TRAK1: variants seen among roughly 807,000 people sequenced by gnomAD.
TRAK1 encodes the protein trafficking kinesin protein 1.
Under a neutral mutation model 92.1 loss-of-function variants are expected in TRAK1, and 33 were observed. The observed-to-expected ratio is 0.36, with a 90% confidence interval of 0.27 to 0.48. TRAK1 has a LOEUF of 0.48. TRAK1 is among the 20% of genes least tolerant of loss of function. The probability of loss-of-function intolerance (pLI) is 0.99; values close to 1 mark genes in which losing one functional copy is unlikely to be tolerated. For synonymous variants in TRAK1, 521 were observed against 517.3 expected (o/e 1.01, Z -0.10); for missense variants, 1,123 against 1,257.9 (o/e 0.89, Z 1.62).
At chr3:42,036,835 G>A (rs925707574) in intron 1 of TRAK1, among the ~76,000 whole-genome samples, 2 of 152,250 alleles carry the variant, frequency 1.3e-5, no homozygotes, top group East Asian at 1.9e-4. Context: ...CTGTAGCCTC[G>A]AACTTTGGGG....
In TRAK1 at chr3:42,225,396, C is replaced by T. The variant is rs1404779364; in HGVS notation, c.*1659C>T. On this transcript the variant is annotated 3_prime_UTR_variant, in exon 16 of 16. Transcript: ENST00000327628. ...CAAGCCTCAGTCCCACGGTTTCAGA[C>T]TATTTATTCTCTGAACACAAGAGTA... The T allele has an allele frequency of 2.0e-5, 3 of 152,228 alleles. No individual in the cohort carries two copies. The highest frequency in any genetic ancestry group is 4.4e-5 in the Non-Finnish European group (3 of 68,048). The allele number at this position is 152,228 out of a possible 1,614,324, so 9.4% of individuals were successfully genotyped here.
chr3:42,039,275 A>C (rs762943361), intron 1 of TRAK1, among the ~76,000 whole-genome samples: 1 of 152,144 alleles, frequency 6.6e-6, no homozygotes, highest in South Asian at 2.1e-4. Flanking sequence ...ATTTCTGTTT[A>C]TTTCCAAATA....
chr3:42,113,337 A>ACT (rs1201646866), intron 1 of TRAK1, among the ~76,000 whole-genome samples: 3 of 150,856 alleles, frequency 2.0e-5, no homozygotes, highest in Non-Finnish European at 4.4e-5. Flanking sequence ...TCTACTCTCT[A>ACT]CTCTACTCCT....
chr3:42,132,049 A>G (rs1697271408), intron 2 of TRAK1, among the ~76,000 whole-genome samples: 1 of 152,110 alleles, frequency 6.6e-6, no homozygotes, highest in African/African-American at 2.4e-5. Flanking sequence ...AGCCTGGGCA[A>G]CAGAGCGAGA....
At chr3:42,016,415 G>A (rs1405837020) in intron 1 of TRAK1, among the ~76,000 whole-genome samples, 2 of 152,176 alleles carry the variant, frequency 1.3e-5, no homozygotes, top group African/African-American at 4.8e-5. Context: ...ACTTTGGCCA[G>A]GCTGGTCTCA....
In TRAK1 at chr3:42,079,573, G is replaced by A. The variant is rs563069876; in HGVS notation, c.-518-7531G>A. 4.8e-5 allele frequency among the ~76,000 whole-genome samples: 7 copies of A among 147,008 alleles called. No homozygotes were observed. The South Asian group carries it at 8.6e-4, about 18-fold the overall frequency. On this transcript the variant is annotated intron_variant, in intron 1 of 16. Transcript: ENST00000487159. ...TCGGCTTACTGCAACCTCTGCCTTC[G>A]GGTTCAAGCAATTCTCCTGCCTCAA... is the stretch of plus-strand genomic sequence containing the variant.
At position 42,209,918 on chromosome 3, in the gene TRAK1, C is replaced by A. The variant is rs753398201; in HGVS notation, c.1896C>A (p.Asp632Glu). The change falls in exon 14 of 16, where the codon GAC (aspartate) becomes GAA (glutamate). Residue 632 changes from aspartate to glutamate, a missense_variant. Asp to Glu is a conservative substitution (Grantham distance 45, BLOSUM62 2). Coordinates refer to ENST00000327628, the MANE Select transcript of TRAK1 (RefSeq NM_001042646.3). ...GCCTTAACGACTTTGAAGAAGATGA[C>A]ACAGGTGACCACATTTCTCTCCCAC... Reference protein sequence around the residue: ...VYCLNDFEEDDTGDHISLPRL... With the variant: ...VYCLNDFEEDETGDHISLPRL... 2 of 1,614,190 alleles carry A rather than the reference C, an allele frequency of 1.2e-6. No individual in the cohort carries two copies.
intron 2 of TRAK1, among the ~76,000 whole-genome samples, chr3:42,170,391 A>G (rs1702395081): frequency 6.6e-6 from 1 of 152,172 alleles, no homozygotes; most frequent in African/African-American, 2.4e-5. Context: ...TGAACAGTGC[A>G]GACAGTAAGT....
intron 1 of TRAK1, among the ~76,000 whole-genome samples, chr3:42,108,765 C>T (rs1707940057): frequency 6.6e-6 from 1 of 151,958 alleles, no homozygotes; most frequent in African/African-American, 2.4e-5. Flanking sequence ...GATGAAACCT[C>T]CAGAAGTTGA....
chr3:42,149,708 A>T, intron 2 of TRAK1: 2 of 1,405,512 alleles, frequency 1.4e-6, no homozygotes, highest in Non-Finnish European at 1.9e-6. Context: ...GGCGGGTGGG[A>T]GGTACCAGAA....
At chr3:42,174,636 A>T (rs1028827941) in intron 2 of TRAK1, among the ~76,000 whole-genome samples, 3 of 145,120 alleles carry the variant, frequency 2.1e-5, no homozygotes, top group Admixed American at 6.8e-5. Flanking sequence ...ACACCTGGCT[A>T]ATTTTTGTGT....
intron 1 of TRAK1, among the ~76,000 whole-genome samples, chr3:42,033,391 G>A (rs1702219605): frequency 6.6e-6 from 1 of 152,174 alleles, no homozygotes. Context: ...TGTGATCTTG[G>A]TAGCCTGGGT....
chr3:42,218,664 G>A (rs575986156), intron 14 of TRAK1: 5 of 985,310 alleles, frequency 5.1e-6, no homozygotes, highest in East Asian at 1.1e-4. Flanking sequence ...TTAATCTGCT[G>A]CAGACCATAG....
chr3:42,214,663 T>TTGCAGAAACCAAAAATAAGTTG (rs1354501322), intron 14 of TRAK1, among the ~76,000 whole-genome samples: 2 of 152,170 alleles, frequency 1.3e-5, no homozygotes, highest in African/African-American at 4.8e-5. Flanking sequence ...ACTTTTAATT[T>TTGCAGAAACCAAAAATAAGTTG]TGCAGAAACC....
chr3:42,223,172 CCCTCCTGCACT>C lies in TRAK1; in HGVS notation c.2301_2311del (p.Leu768HisfsTer27). 6.2e-7 allele frequency: 1 copy of C among 1,614,038 alleles called. No homozygotes were observed. The highest frequency in any genetic ancestry group is 8.5e-7 in the Non-Finnish European group (1 of 1,180,002). On this transcript the variant is annotated frameshift_variant, in exon 16 of 16. Transcript: ENST00000327628. LOFTEE classifies it high-confidence loss of function. This position sits in a 1 kb window ranked among gnomAD's most constrained non-coding sequence, Gnocchi z 6.1. ...AGCTGGGACAGGGCCGGCCGGGGCT[CCCTCCTGCACT>C]CCTACACGCCCAAGATGGCTGTGAT...
chr3:42,193,256 G>A (rs370017506), intron 8 of TRAK1, 51 bp downstream of exon 8: 42 of 1,602,292 alleles, frequency 2.6e-5, no homozygotes, highest in African/African-American at 4.0e-5. Context: ...ATGCTGAGAC[G>A]GGGAAGGGAC....
chr3:42,102,927 T>C (rs1487943514), intron 1 of TRAK1, among the ~76,000 whole-genome samples: 1 of 152,184 alleles, frequency 6.6e-6, no homozygotes, highest in African/African-American at 2.4e-5. Context: ...ACTTTCACAT[T>C]TCTTGTGGTT....
At chr3:42,200,217 A>G (rs546548322) in intron 11 of TRAK1, among the ~76,000 whole-genome samples, 76 of 152,366 alleles carry the variant, frequency 5.0e-4, no homozygotes, top group Admixed American at 2.4e-3. Context: ...GGAAGTGGCC[A>G]TTGTAAAAAC....
chr3:42,035,400 A>T (rs1468583589), intron 1 of TRAK1, among the ~76,000 whole-genome samples: 3 of 151,992 alleles, frequency 2.0e-5, no homozygotes, highest in Non-Finnish European at 4.4e-5. Context: ...GGACCTGTTC[A>T]CCCACCTGTC....
Sources: allele counts gnomAD v4.1 joint callset (sites outside exome capture counted in the v4.1 genomes callset), GRCh38; gene constraint gnomAD v4.1.1; non-coding constraint Gnocchi (gnomAD v3.1); transcripts MANE v1.5; gene names NCBI Gene and HGNC (gene_info 2026-07-23, HGNC 2026-07-21).